Variants in COL5A2 observed in about 807,000 individuals in gnomAD.
COL5A2 encodes collagen type V alpha 2 chain.
A neutral mutation model predicts 208.2 loss-of-function variants in COL5A2; 23 were observed. The ratio of observed to expected loss-of-function variants is 0.11; its 90% CI spans 0.08 to 0.16. The LOEUF is 0.16. Ranked by LOEUF, COL5A2 falls within the 10% of genes least tolerant of loss-of-function variation. The probability of loss-of-function intolerance (pLI) is 1.00; values close to 1 mark genes in which losing one functional copy is unlikely to be tolerated. For missense variants in COL5A2, 1,590 were observed against 1,956.4 expected, an observed-to-expected ratio of 0.81 and a Z score of 3.53; for synonymous variants, 625 against 628.5, an observed-to-expected ratio of 0.99 and a Z score of 0.08.
intron 3 of COL5A2, among the ~76,000 whole-genome samples, chr2:189,100,447 G>T (rs1178677853): frequency 6.6e-6 from 1 of 151,896 alleles, no homozygotes; most frequent in Non-Finnish European, 1.5e-5. Context: ...GCAACAAAAA[G>T]ATGTAAAGAC....
the COL5A2 span, among the ~76,000 whole-genome samples, chr2:189,356,157 G>A: frequency 6.6e-6 from 1 of 152,116 alleles, no homozygotes; most frequent in African/African-American, 2.4e-5. Context: ...AGTCTGATGG[G>A]GTTTCCTTTT....
At chr2:189,375,263 C>A in the COL5A2 span, among the ~76,000 whole-genome samples, 1 of 152,046 alleles carries the variant, frequency 6.6e-6, no homozygotes, top group Admixed American at 6.6e-5. Flanking sequence ...GTGATCCGCC[C>A]ACCTCGGCCT....
chr2:189,378,069 T>G, the COL5A2 span, among the ~76,000 whole-genome samples: 1 of 152,168 alleles, frequency 6.6e-6, no homozygotes, highest in African/African-American at 2.4e-5. Flanking sequence ...GTTCTCATCT[T>G]TTGTTGGGAT....
At chr2:189,230,611 T>C in the COL5A2 span, among the ~76,000 whole-genome samples, 1 of 151,782 alleles carries the variant, frequency 6.6e-6, no homozygotes, top group Non-Finnish European at 1.5e-5. Flanking sequence ...ATCAGATAAA[T>C]GCAAATCAAA....
At chr2:189,129,193 A>C (rs1341980956) in intron 1 of COL5A2, among the ~76,000 whole-genome samples, 1 of 152,048 alleles carries the variant, frequency 6.6e-6, no homozygotes, top group Non-Finnish European at 1.5e-5. Flanking sequence ...TTAACAAGAA[A>C]AAACAACTAC....
upstream of COL5A2, among the ~76,000 whole-genome samples, chr2:189,228,386 T>A (rs1342699488): frequency 6.7e-6 from 1 of 149,520 alleles, no homozygotes; most frequent in Non-Finnish European, 1.5e-5. Context: ...TTTGAAAAAA[T>A]CAACAAAACC....
chr2:189,388,990 T>C, the COL5A2 span, among the ~76,000 whole-genome samples: 8 of 152,292 alleles, frequency 5.3e-5, no homozygotes, highest in Non-Finnish European at 1.0e-4. Flanking sequence ...GCAAGCTATA[T>C]TGAATAGTTA....
the COL5A2 span, among the ~76,000 whole-genome samples, chr2:189,347,162 G>A: frequency 6.6e-5 from 10 of 152,150 alleles, no homozygotes; most frequent in African/African-American, 1.4e-4. Flanking sequence ...AGGAGGACAC[G>A]TTGCTGAGAG....
chr2:189,177,994 T>C (rs1688708162), intron 1 of COL5A2, among the ~76,000 whole-genome samples: 1 of 152,126 alleles, frequency 6.6e-6, no homozygotes, highest in South Asian at 2.1e-4. Flanking sequence ...GGGAGTAAAC[T>C]GTTCTTTCTA....
At chr2:189,417,019 G>A in the COL5A2 span, among the ~76,000 whole-genome samples, 5 of 151,794 alleles carry the variant, frequency 3.3e-5, no homozygotes, top group Non-Finnish European at 7.4e-5. Context: ...GCTACATAAA[G>A]GATTTTTATT....
At chr2:189,189,399 A>G (rs532768148) in intron 1 of COL5A2, among the ~76,000 whole-genome samples, 1 of 152,314 alleles carries the variant, frequency 6.6e-6, no homozygotes, top group African/African-American at 2.4e-5. Flanking sequence ...AAATGGCATT[A>G]TTGATTTAAA....
At chr2:189,367,115 A>G in the COL5A2 span, among the ~76,000 whole-genome samples, 1 of 152,188 alleles carries the variant, frequency 6.6e-6, no homozygotes, top group South Asian at 2.1e-4. Flanking sequence ...ACGTAAGACT[A>G]TATTCCAATG....
At position 189,075,277 on chromosome 2, in the gene COL5A2, A is replaced by G. The variant is rs73978829; in HGVS notation, c.1104+116T>C. 2.8e-3 allele frequency: 2,050 copies of G among 726,950 alleles called. 23 individuals carry two copies. The African/African-American group carries it at 0.032, about 11-fold the overall frequency. 45.0% of individuals were successfully genotyped at this position (726,950 alleles called of 1,614,324 possible). A position where few individuals can be genotyped will look rare whatever the true frequency, so the allele number is the denominator to read the frequency against. On this transcript the variant is annotated intron_variant, in intron 17 of 53. Coordinates refer to ENST00000374866, the MANE Select transcript of COL5A2 (RefSeq NM_000393.5). The stretch of plus-strand genomic sequence containing the variant: ...TTTGAAGAAGTACTATGTGTCCATC[A>G]ACTTTTTATTCCAAGTGTCTGGCAT...
chr2:189,085,807 G>A (rs757107723), intron 9 of COL5A2, 35 bp from the exon 10 acceptor site: 1 of 1,539,378 alleles, frequency 6.5e-7, no homozygotes. Context: ...TACAAACCAA[G>A]GAAAAATAGA....
chr2:189,062,724 G>T (rs942884213), intron 29 of COL5A2, 141 bp downstream of exon 29: 1 of 873,000 alleles, frequency 1.1e-6, no homozygotes, highest in East Asian at 2.6e-5. Context: ...AAAAGAGAAG[G>T]TATAACAGAA....
At chr2:189,270,421 T>C in the COL5A2 span, among the ~76,000 whole-genome samples, 5 of 152,212 alleles carry the variant, frequency 3.3e-5, no homozygotes, top group African/African-American at 1.2e-4. Flanking sequence ...TTCTGGTACG[T>C]TGTGTCTTTG....
intron 1 of COL5A2, among the ~76,000 whole-genome samples, chr2:189,127,975 G>A (rs1194711557): frequency 1.3e-5 from 2 of 152,008 alleles, no homozygotes; most frequent in African/African-American, 4.8e-5. Flanking sequence ...AAACAGAAGT[G>A]CACTCAGATT....
the COL5A2 span, among the ~76,000 whole-genome samples, chr2:189,256,519 T>A: frequency 1.3e-5 from 2 of 152,188 alleles, no homozygotes; most frequent in Non-Finnish European, 2.9e-5. Flanking sequence ...TGGAGATCTG[T>A]TCTCCTCATC....
chr2:189,052,931 C>A lies in COL5A2; in HGVS notation c.2641G>T (p.Ala881Ser), dbSNP rs760858324. 2.5e-6 allele frequency: 4 copies of A among 1,614,122 alleles called. No homozygotes were observed. The highest frequency in any genetic ancestry group is 3.3e-4 in the Middle Eastern group (2 of 6,062). Residue 881 changes from alanine (A) to serine (S), a missense_variant, in exon 39 of 54, where the codon GCA becomes TCA. Physicochemically the swap from Ala to Ser is moderately conservative, Grantham distance 99. Coordinates refer to ENST00000374866, the MANE Select transcript of COL5A2 (RefSeq NM_000393.5). ...DAGSPGPQGLAGSPGPHGPNG... is the reference protein window; with the variant it reads ...DAGSPGPQGLSGSPGPHGPNG... ...CTTACATGAGGGCCAGGGGATCCTG[C>A]TAAACCTTGTGGTCCAGGAGAACCA...
Sources: allele counts gnomAD v4.1 joint callset (sites outside exome capture counted in the v4.1 genomes callset), GRCh38; gene constraint gnomAD v4.1.1; transcripts MANE v1.5; gene names NCBI Gene and HGNC (gene_info 2026-07-23, HGNC 2026-07-21).